The following ROR1 variants were observed in gnomAD, a reference collection of about 807,000 sequenced individuals.
The protein encoded by ROR1 is ROR family WNT receptor 1, also known as inactive tyrosine-protein kinase transmembrane receptor ROR1.
Under a neutral mutation model 78.8 loss-of-function variants are expected in ROR1, and 19 were observed. The observed-to-expected ratio is 0.24, with a 90% CI of 0.17 to 0.35. The LOEUF (loss-of-function observed/expected upper bound fraction) is 0.35. Ranked by LOEUF, ROR1 falls within the 10% of genes least tolerant of loss-of-function variation. The probability of loss-of-function intolerance (pLI) is 1.00; values close to 1 mark genes in which losing one functional copy is unlikely to be tolerated. For missense variants in ROR1, 917 were observed against 1,177.8 expected, an observed-to-expected ratio of 0.78 and a Z score of 3.24; for synonymous variants, 386 against 433.6, an observed-to-expected ratio of 0.89 and a Z score of 1.36.
chr1:64,012,476 C>G (rs976243646), intron 2 of ROR1, among the ~76,000 whole-genome samples: 20 of 152,278 alleles, frequency 1.3e-4, no homozygotes, highest in African/African-American at 4.6e-4. Context: ...CTAGGAGACA[C>G]TGACAGCAGC....
At chr1:63,997,749 G>A (rs1314278864) in intron 1 of ROR1, among the ~76,000 whole-genome samples, 2 of 151,758 alleles carry the variant, frequency 1.3e-5, no homozygotes, top group East Asian at 3.9e-4. Flanking sequence ...TTTTTAACAT[G>A]CTCCCCAGCT....
chr1:64,083,907 G>GA (rs1314668530), intron 4 of ROR1, among the ~76,000 whole-genome samples: 1 of 152,204 alleles, frequency 6.6e-6, no homozygotes, highest in African/African-American at 2.4e-5. Context: ...TATTCCTTAA[G>GA]AAATGTGATG....
intron 4 of ROR1, among the ~76,000 whole-genome samples, chr1:64,062,910 A>G (rs1193920931): frequency 6.6e-6 from 1 of 152,174 alleles, no homozygotes; most frequent in African/African-American, 2.4e-5. Flanking sequence ...GGTAGGAAAG[A>G]CACTCCCCTA....
At chr1:63,940,642 A>G (rs1416279053) in intron 1 of ROR1, among the ~76,000 whole-genome samples, 3 of 152,222 alleles carry the variant, frequency 2.0e-5, no homozygotes, top group African/African-American at 7.2e-5. Context: ...TTGTAAAGTC[A>G]TCATTTTGCA....
chr1:64,081,166 C>T (rs1269807894), intron 4 of ROR1, among the ~76,000 whole-genome samples: 1 of 152,168 alleles, frequency 6.6e-6, no homozygotes, highest in Non-Finnish European at 1.5e-5. Context: ...GCTGAGATTT[C>T]CCTTCTCATC....
At chr1:64,068,791 A>G (rs1569673723) in intron 4 of ROR1, among the ~76,000 whole-genome samples, 2 of 152,282 alleles carry the variant, frequency 1.3e-5, no homozygotes, top group South Asian at 4.1e-4. Context: ...GAGATTATAA[A>G]GTACTCCACA....
At chr1:63,822,697 T>C (rs578080025) in intron 1 of ROR1, among the ~76,000 whole-genome samples, 9 of 152,342 alleles carry the variant, frequency 5.9e-5, no homozygotes, top group African/African-American at 2.2e-4. Context: ...TCTCAAATCA[T>C]CAATTTTTAA....
intron 1 of ROR1, among the ~76,000 whole-genome samples, chr1:63,896,897 G>A (rs749798741): frequency 3.9e-5 from 6 of 152,166 alleles, no homozygotes; most frequent in Non-Finnish European, 2.9e-5. Context: ...ATTATTAGCT[G>A]TTGAGCTTGG....
intron 4 of ROR1, among the ~76,000 whole-genome samples, chr1:64,134,238 G>A (rs1313391158): frequency 2.0e-5 from 3 of 152,118 alleles, no homozygotes; most frequent in African/African-American, 7.2e-5. Context: ...GGGATAAAAT[G>A]ACTTAGTATC....
At position 64,150,086 on chromosome 1, in the gene ROR1, G is replaced by T. The variant is rs553518875; in HGVS notation, c.1174+7436G>T. On this transcript the variant is annotated intron_variant, in intron 7 of 8. Coordinates refer to ENST00000371079, the MANE Select transcript of ROR1 (RefSeq NM_005012.4). The stretch of plus-strand genomic sequence containing the variant: ...TGGTATTTTTATATTTAAACCATGG[G>T]CCTTTGTTTTACCCTTGATCAAATC... 1.2e-4 allele frequency among the ~76,000 whole-genome samples: 18 copies of T among 152,204 alleles called. No individual in the cohort carries two copies. The East Asian group carries it at 2.9e-3, about 24-fold the overall frequency.
intron 1 of ROR1, among the ~76,000 whole-genome samples, chr1:63,814,951 C>G (rs1644881352): frequency 6.6e-6 from 1 of 152,214 alleles, no homozygotes; most frequent in African/African-American, 2.4e-5. Flanking sequence ...CCTCAATTCC[C>G]TCCTATTCCG....
intron 1 of ROR1, among the ~76,000 whole-genome samples, chr1:64,002,210 T>C (rs1482704799): frequency 6.7e-6 from 1 of 149,392 alleles, no homozygotes; most frequent in African/African-American, 2.5e-5. Flanking sequence ...CTTGGCTCGC[T>C]GCAACCTCTG....
intron 2 of ROR1, among the ~76,000 whole-genome samples, chr1:64,028,056 A>G (rs1264086438): frequency 2.0e-5 from 3 of 152,176 alleles, no homozygotes. Context: ...AGCCTCTATC[A>G]TGATTATACC....
chr1:64,061,959 A>G (rs890621100), intron 4 of ROR1, among the ~76,000 whole-genome samples: 5 of 152,108 alleles, frequency 3.3e-5, no homozygotes, highest in African/African-American at 1.2e-4. Flanking sequence ...AGGCGCTTCT[A>G]TCCTGTGCAT....
At chr1:63,908,587 C>G (rs775920077) in intron 1 of ROR1, among the ~76,000 whole-genome samples, 8 of 152,220 alleles carry the variant, frequency 5.3e-5, no homozygotes, top group Non-Finnish European at 1.2e-4. Context: ...TCTTAATTTG[C>G]ACATACTGTT....
chr1:63,777,017 C>T (rs758670722), intron 1 of ROR1, among the ~76,000 whole-genome samples: 6 of 152,150 alleles, frequency 3.9e-5, no homozygotes, highest in Non-Finnish European at 8.8e-5. Context: ...CAAAACATTT[C>T]TCCCATCATT....
intron 1 of ROR1, among the ~76,000 whole-genome samples, chr1:63,947,179 C>T (rs921596525): frequency 6.6e-6 from 1 of 152,116 alleles, no homozygotes; most frequent in Non-Finnish European, 1.5e-5. Flanking sequence ...CCATGTTGGC[C>T]CAGGAGCAGC....
In ROR1 at chr1:64,016,924, T is replaced by A. The variant is rs1345282991; in HGVS notation, c.163+7548T>A. Among the ~76,000 whole-genome samples the A allele has an allele frequency of 2.0e-5, 3 of 152,014 alleles. No individual in the cohort carries two copies. The South Asian group carries it at 6.2e-4, about 32-fold the overall frequency. On this transcript the variant is annotated intron_variant, in intron 2 of 8. Coordinates refer to ENST00000371079, the MANE Select transcript of ROR1 (RefSeq NM_005012.4). ...GAAAAACACATAGGGATTATTATTT[T>A]TTTTTTCTTTTGAGACAAGATCTTA...
At chr1:64,106,937 A>G (rs551554113) in intron 4 of ROR1, 1 of 152,586 alleles carries the variant, frequency 6.6e-6, no homozygotes, top group Admixed American at 6.5e-5. Context: ...TCAAAGGTCT[A>G]GAAGACCTTG....
Sources: allele counts gnomAD v4.1 joint callset (sites outside exome capture counted in the v4.1 genomes callset), GRCh38; gene constraint gnomAD v4.1.1; transcripts MANE v1.5; gene names NCBI Gene and HGNC (gene_info 2026-07-23, HGNC 2026-07-21).